Variants in KSR2 observed in about 807,000 individuals in gnomAD.
The protein encoded by KSR2 is kinase suppressor of ras 2.
KSR2 carries 25 observed loss-of-function variants against 107.8 expected under a neutral mutation model. The observed-to-expected ratio is 0.23, with a 90% CI of 0.17 to 0.32. The LOEUF (loss-of-function observed/expected upper bound fraction) is 0.32. KSR2 is among the 10% of genes least tolerant of loss of function. KSR2 has a pLI of 1.00. For synonymous variants in KSR2, 480 were observed against 507.0 expected (o/e 0.95, Z 0.71); for missense variants, 887 against 1,268.9 (o/e 0.70, Z 4.57).
chr12:117,506,447 A>T (rs1873684437), intron 14 of KSR2, among the ~76,000 whole-genome samples: 2 of 152,122 alleles, frequency 1.3e-5, no homozygotes, highest in Non-Finnish European at 1.5e-5. Flanking sequence ...CTGAGTTGTC[A>T]ATTTCAGGTT....
chr12:117,884,236 C>T (rs555007078), intron 1 of KSR2, among the ~76,000 whole-genome samples: 1 of 152,268 alleles, frequency 6.6e-6, no homozygotes, highest in South Asian at 2.1e-4. Flanking sequence ...TAGTGCCCCT[C>T]CTGCAGATTA....
At chr12:117,468,685 T>C (rs187847293) in intron 19 of KSR2, among the ~76,000 whole-genome samples, 3 of 152,252 alleles carry the variant, frequency 2.0e-5, no homozygotes, top group East Asian at 3.9e-4. Flanking sequence ...GGGTAAGCCA[T>C]GGCAGTGCAA....
rs932123007 is a variant in KSR2 at position 117,456,413 on chromosome 12, T to C, written c.*10786A>G. On this transcript the variant is annotated 3_prime_UTR_variant, in exon 20 of 20. Coordinates refer to ENST00000339824, the MANE Select transcript of KSR2 (RefSeq NM_173598.6). ...TTACTTGAACTTACACAAGTTCATATGTACCCATCTAAACATTATTACTTG... is the reference window on the plus strand; with the variant it reads ...TTACTTGAACTTACACAAGTTCATACGTACCCATCTAAACATTATTACTTG... The C allele has an allele frequency of 6.6e-6, 1 of 152,192 alleles. No individual in the cohort carries two copies. Among genetic ancestry groups the C allele is most frequent in the Non-Finnish European group, 1.5e-5 (1 of 68,046 alleles). The allele number at this position is 152,192 out of a possible 1,614,324, so 9.4% of individuals were successfully genotyped here.
intron 5 of KSR2, among the ~76,000 whole-genome samples, chr12:117,596,089 T>C (rs1454221653): frequency 1.4e-5 from 2 of 143,216 alleles, no homozygotes; most frequent in Admixed American, 1.4e-4. Context: ...GTTCTCATGC[T>C]GCCAATAAAG....
At chr12:117,514,220 C>T (rs1341424272) in intron 14 of KSR2, among the ~76,000 whole-genome samples, 2 of 152,254 alleles carry the variant, frequency 1.3e-5, no homozygotes, top group East Asian at 3.8e-4. Context: ...CTGTTGCTTT[C>T]CCCTACGGGA....
chr12:117,797,401 G>T (rs183041113), intron 3 of KSR2, among the ~76,000 whole-genome samples: 1 of 152,178 alleles, frequency 6.6e-6, no homozygotes, highest in Non-Finnish European at 1.5e-5. Context: ...CATCTTACAG[G>T]ATTCCACTTA....
intron 3 of KSR2, among the ~76,000 whole-genome samples, chr12:117,835,335 AG>A (rs933109048): frequency 6.6e-6 from 1 of 152,038 alleles, no homozygotes; most frequent in African/African-American, 2.4e-5. Context: ...AGTTGGAGGG[AG>A]GGTGGTATAT....
intron 3 of KSR2, among the ~76,000 whole-genome samples, chr12:117,828,336 G>A (rs546821642): frequency 7.2e-5 from 11 of 152,246 alleles, no homozygotes; most frequent in African/African-American, 2.6e-4. Flanking sequence ...GTAGAATCCT[G>A]GTGTTATGTA....
At chr12:117,575,561 A>G (rs1418777548) in intron 7 of KSR2, among the ~76,000 whole-genome samples, 6 of 152,200 alleles carry the variant, frequency 3.9e-5, no homozygotes, top group African/African-American at 1.4e-4. Context: ...TCCTCACTAT[A>G]ACTAATGCAA....
chr12:117,909,413 G>A (rs975100552), intron 1 of KSR2, among the ~76,000 whole-genome samples: 2 of 152,048 alleles, frequency 1.3e-5, no homozygotes, highest in African/African-American at 2.4e-5. Context: ...TTCCTTCCAC[G>A]GCCCCCCAAC....
At chr12:117,958,659 A>T (rs1033863319) in intron 1 of KSR2, among the ~76,000 whole-genome samples, 2 of 152,130 alleles carry the variant, frequency 1.3e-5, no homozygotes, top group Admixed American at 6.5e-5. Context: ...CATCTCTACT[A>T]AAAATACAAA....
intron 7 of KSR2, among the ~76,000 whole-genome samples, chr12:117,577,596 G>A (rs1043017487): frequency 5.9e-5 from 9 of 152,280 alleles, no homozygotes; most frequent in South Asian, 2.1e-4. Context: ...ACAGTTCCAA[G>A]CAGCTAGGGA....
intron 1 of KSR2, among the ~76,000 whole-genome samples, chr12:117,861,553 T>G (rs530054030): frequency 0.016 from 2,469 of 151,342 alleles, 68 homozygotes; most frequent in African/African-American, 0.057. Context: ...CACACCCGGC[T>G]AATTTTTTGT....
chr12:117,697,288 T>TA (rs1886108242), intron 4 of KSR2, among the ~76,000 whole-genome samples: 1 of 152,188 alleles, frequency 6.6e-6, no homozygotes, highest in African/African-American at 2.4e-5. Flanking sequence ...AAGGTACATA[T>TA]TGAAAAACAG....
At chr12:117,600,580 T>C (rs1327224966) in intron 5 of KSR2, among the ~76,000 whole-genome samples, 1 of 152,206 alleles carries the variant, frequency 6.6e-6, no homozygotes, top group Admixed American at 6.5e-5. Context: ...GATGAACTCC[T>C]AAAGAAGCAC....
At chr12:117,903,767 A>G (rs1894759328) in intron 1 of KSR2, among the ~76,000 whole-genome samples, 1 of 152,228 alleles carries the variant, frequency 6.6e-6, no homozygotes, top group Admixed American at 6.5e-5. Flanking sequence ...GAACTTTGGG[A>G]GACTGAAGCA....
rs1213898827 is a variant in KSR2, at chr12:117,680,659, C to A, written c.987-13001G>T. Among the ~76,000 whole-genome samples the A allele has an allele frequency of 2.0e-5, 3 of 152,122 alleles. No homozygotes were observed. The South Asian group carries it at 6.2e-4, about 32-fold the overall frequency. On this transcript the variant is annotated intron_variant, in intron 4 of 19. Transcript: ENST00000339824. ...CAGCTGAAATATGCATTATGGTGGA[C>A]TGGTCGATTAAATTATGGTAATTCC... is the stretch of plus-strand genomic sequence containing the variant.
intron 14 of KSR2, among the ~76,000 whole-genome samples, chr12:117,494,643 T>C (rs1037955749): frequency 6.6e-6 from 1 of 152,182 alleles, no homozygotes; most frequent in African/African-American, 2.4e-5. Context: ...ACGACAGACC[T>C]AGTCCTTAAT....
chr12:117,961,393 C>T (rs1014348914), intron 1 of KSR2, among the ~76,000 whole-genome samples: 2 of 152,160 alleles, frequency 1.3e-5, no homozygotes, highest in Admixed American at 6.5e-5. Context: ...CTATTTCTTA[C>T]AGTCTGTCCT....
Sources: allele counts gnomAD v4.1 joint callset (sites outside exome capture counted in the v4.1 genomes callset), GRCh38; gene constraint gnomAD v4.1.1; transcripts MANE v1.5; gene names NCBI Gene and HGNC (gene_info 2026-07-23, HGNC 2026-07-21).